Variants in DAGLB observed in about 807,000 individuals in gnomAD.
The protein encoded by DAGLB is diacylglycerol lipase-beta.
Under a neutral mutation model 72.1 loss-of-function variants are expected in DAGLB, and 66 were observed. The ratio of observed to expected loss-of-function variants is 0.92; its 90% CI spans 0.75 to 1.12. DAGLB has a LOEUF of 1.12. DAGLB is among the 50% of genes most tolerant of loss of function. The pLI, the probability that DAGLB is intolerant of heterozygous loss-of-function variation, is 0.00. For missense variants in DAGLB, 1,065 were observed against 884.9 expected (o/e 1.20, Z -2.58); for synonymous variants, 414 against 359.5 (o/e 1.15, Z -1.71).
intron 6 of DAGLB, among the ~76,000 whole-genome samples, chr7:6,427,155 A>C (rs1784339885): frequency 6.6e-6 from 1 of 152,178 alleles, no homozygotes; most frequent in Admixed American, 6.5e-5. Flanking sequence ...TAAAAACTAA[A>C]AAAACTACAA....
intron 11 of DAGLB, among the ~76,000 whole-genome samples, chr7:6,413,465 C>G (rs1259480072): frequency 6.6e-6 from 1 of 152,058 alleles, no homozygotes; most frequent in African/African-American, 2.4e-5. Context: ...CCCGTCTCTA[C>G]TAAAAATACA....
chr7:6,437,383 T>TA (rs1784699905), intron 2 of DAGLB, among the ~76,000 whole-genome samples: 1 of 152,058 alleles, frequency 6.6e-6, no homozygotes, highest in Non-Finnish European at 1.5e-5. Context: ...GGGTTAGTCA[T>TA]TATCTCATTT....
At chr7:6,436,302 G>T in intron 3 of DAGLB, 60 bp downstream of exon 3, 2 of 1,548,662 alleles carry the variant, frequency 1.3e-6, no homozygotes, top group East Asian at 2.3e-5. Context: ...CATGTTAGAA[G>T]GGTTTGTTCA....
chr7:6,424,030 C>G (rs369379820), intron 8 of DAGLB, among the ~76,000 whole-genome samples: 1 of 151,730 alleles, frequency 6.6e-6, no homozygotes, highest in East Asian at 1.9e-4. Context: ...TGGCCCTGGA[C>G]TTAGGGGGGC....
chr7:6,441,421 CTT>C (rs777739932), intron 2 of DAGLB, among the ~76,000 whole-genome samples: 15 of 106,244 alleles, frequency 1.4e-4, no homozygotes, highest in Admixed American at 2.0e-4. Flanking sequence ...ACATTTTTTT[CTT>C]TTTTTTTTTT....
At chr7:6,433,921 G>GATTAC (rs1315972259) in intron 4 of DAGLB, among the ~76,000 whole-genome samples, 2 of 151,412 alleles carry the variant, frequency 1.3e-5, no homozygotes, top group Non-Finnish European at 2.9e-5. Flanking sequence ...CTGTGATGTA[G>GATTAC]ATTACGACAT....
chr7:6,412,845 ATTCTT>A lies in DAGLB; in HGVS notation c.1530_1534del (p.Arg510SerfsTer10). 6.2e-7 allele frequency: 1 copy of A among 1,603,424 alleles called. No homozygotes were observed. The highest frequency in any genetic ancestry group is 8.5e-7 in the Non-Finnish European group (1 of 1,173,874). ...ATTGCAGTGCGCGACCACTCGCAAGATTCTTCTCTTCAGATCTTCCAAGTTGGTCA... is the reference window on the plus strand; with the variant it reads ...ATTGCAGTGCGCGACCACTCGCAAGACTCTTCAGATCTTCCAAGTTGGTCA... On this transcript the variant is annotated frameshift_variant, in exon 13 of 15. Coordinates refer to ENST00000297056, the MANE Select transcript of DAGLB (RefSeq NM_139179.4). LOFTEE classifies it high-confidence loss of function.
intron 4 of DAGLB, among the ~76,000 whole-genome samples, chr7:6,433,761 G>C (rs1784565250): frequency 6.6e-6 from 1 of 151,742 alleles, no homozygotes; most frequent in South Asian, 2.1e-4. Context: ...GTACGCTGAG[G>C]CAGGAGAATC....
At chr7:6,424,085 C>A (rs1423368656) in intron 8 of DAGLB, among the ~76,000 whole-genome samples, 1 of 152,180 alleles carries the variant, frequency 6.6e-6, no homozygotes, top group Non-Finnish European at 1.5e-5. Context: ...AGCACACAGG[C>A]TCTGGAGTCT....
In DAGLB at chr7:6,426,034, G is replaced by A; in HGVS notation, c.1010C>T (p.Thr337Ile). Residue 337 changes from threonine (T) to isoleucine (I), a missense_variant, in exon 7 of 15, where the codon ACA (threonine) becomes ATA (isoleucine). Thr to Ile is a moderately conservative substitution (Grantham distance 89). Transcript: ENST00000297056. ...GATGAAGTCCCTGTACTGCAGCCCTGTGGTGTGCAGGATGGAGCCGAAGTG... is the reference window on the plus strand; with the variant it reads ...GATGAAGTCCCTGTACTGCAGCCCTATGGTGTGCAGGATGGAGCCGAAGTG... ...NCHFGSILHT[T>I]GLQYRDFIHV... The A allele has an allele frequency of 3.1e-6, 5 of 1,614,138 alleles. No homozygotes were observed. The highest frequency in any genetic ancestry group is 4.2e-6 in the Non-Finnish European group (5 of 1,180,008).
In DAGLB at chr7:6,424,734, G is replaced by C. The variant is rs373720006; in HGVS notation, c.1140+18C>G. The C allele has an allele frequency of 1.1e-5, 18 of 1,612,250 alleles. No individual in the cohort carries two copies. The African/African-American group carries it at 2.4e-4, about 22-fold the overall frequency. On this transcript the variant is annotated intron_variant, in intron 8 of 14. Transcript: ENST00000297056. ...CCGCACCCACTCCCAGGGCTGGAAA[G>C]TCAGGTTCCAACGTTACCTGCAGAG... is the stretch of plus-strand genomic sequence containing the variant.
At chr7:6,431,235 A>G (rs1422894185) in intron 5 of DAGLB, among the ~76,000 whole-genome samples, 1 of 152,016 alleles carries the variant, frequency 6.6e-6, no homozygotes, top group African/African-American at 2.4e-5. Flanking sequence ...CGAGCTGTCA[A>G]GAACTGAGTG....
chr7:6,444,471 G>A (rs554660935), intron 2 of DAGLB, among the ~76,000 whole-genome samples: 3 of 151,820 alleles, frequency 2.0e-5, no homozygotes, highest in Admixed American at 6.6e-5. Flanking sequence ...GCGTGGTAGC[G>A]GGTGCCTGTA....
At chr7:6,410,785 C>A (rs1470199145) in intron 13 of DAGLB, among the ~76,000 whole-genome samples, 2 of 152,044 alleles carry the variant, frequency 1.3e-5, no homozygotes, top group Non-Finnish European at 2.9e-5. Context: ...CTTGGCTCCA[C>A]AATCTGCCTC....
rs1199596102 is a variant in DAGLB at position 6,419,081 on chromosome 7, CTT to C, written c.1219-2162_1219-2161del. Among the ~76,000 whole-genome samples the C allele has an allele frequency of 1.1e-4, 14 of 128,164 alleles. No individual in the cohort carries two copies. The East Asian group carries it at 1.4e-3, about 13-fold the overall frequency. 84.1% of individuals were successfully genotyped at this position (128,164 alleles called of 152,430 possible). On this transcript the variant is annotated intron_variant, in intron 9 of 14. Coordinates refer to ENST00000297056, the MANE Select transcript of DAGLB (RefSeq NM_139179.4). Reference sequence around the variant, plus strand: ...TCTGTGTGCATTCAGATGGCACTTCCTTTTTTTTTTTTTTTTTTTTGAGACGG... The same window carrying C: ...TCTGTGTGCATTCAGATGGCACTTCCTTTTTTTTTTTTTTTTTTGAGACGG...
At chr7:6,410,610 C>T (rs1430912203) in intron 13 of DAGLB, among the ~76,000 whole-genome samples, 1 of 152,164 alleles carries the variant, frequency 6.6e-6, no homozygotes, top group Non-Finnish European at 1.5e-5. Flanking sequence ...CTCTCTTGGG[C>T]AGTAAAACCA....
Position 6,426,057 on chromosome 7 carries a change from G to A in DAGLB, c.987C>T (p.His329=), listed in dbSNP as rs138105122. The A allele has an allele frequency of 5.2e-5, 84 of 1,613,976 alleles. No homozygotes were observed. Among genetic ancestry groups the A allele is most frequent in the Non-Finnish European group, 6.1e-5 (72 of 1,180,006 alleles). ...CTGTGGTGTGCAGGATGGAGCCGAA[G>A]TGACAGTTGAGCTGATCGCCTCCGA... ...DLVGGDQLNC[H]FGSILHTTGL... is the part of the protein sequence containing the mutation. The change falls in exon 7 of 15, where the codon CAC becomes CAT. Residue 329 remains histidine, a synonymous_variant. Coordinates refer to ENST00000297056, the MANE Select transcript of DAGLB (RefSeq NM_139179.4).
In DAGLB at chr7:6,427,006, G is replaced by A. The variant is rs977818012; in HGVS notation, c.930-892C>T. On this transcript the variant is annotated intron_variant, in intron 6 of 14. Coordinates refer to ENST00000297056, the MANE Select transcript of DAGLB (RefSeq NM_139179.4). ...GCCTGTAATCCCAGCTACTCGGGAC[G>A]CTGAGGCAGGAGACTTGCTTGCAAC... 5.3e-5 allele frequency among the ~76,000 whole-genome samples: 8 copies of A among 152,290 alleles called. No homozygotes were observed. In the East Asian group the frequency reaches 7.7e-4, roughly 15 times the overall value.
chr7:6,410,081 AC>A (rs753682676), intron 14 of DAGLB, 46 bp from the exon 15 acceptor site: 2 of 1,588,200 alleles, frequency 1.3e-6, no homozygotes, highest in African/African-American at 1.3e-5. Context: ...CCCAGGGCTG[AC>A]CCCGCGCTGC....
Sources: allele counts gnomAD v4.1 joint callset (sites outside exome capture counted in the v4.1 genomes callset), GRCh38; gene constraint gnomAD v4.1.1; transcripts MANE v1.5; gene names NCBI Gene and HGNC (gene_info 2026-07-23, HGNC 2026-07-21).